KDM2A: variants seen among roughly 807,000 people sequenced by gnomAD.
KDM2A encodes the protein lysine demethylase 2A.
In KDM2A, 3 loss-of-function variants were observed where a neutral mutation model predicts 137.3. That is an observed-to-expected ratio of 0.02 (90% CI 0.01 to 0.06). The LOEUF (loss-of-function observed/expected upper bound fraction) is 0.06, where lower values mean the gene tolerates loss of function less well. KDM2A is among the 10% of genes least tolerant of loss of function. The pLI is 1.00. For synonymous variants in KDM2A, 512 were observed against 541.5 expected (o/e 0.95, Z 0.76); for missense variants, 738 against 1,510.6 (o/e 0.49, Z 8.48).
chr11:67,212,782 T>TAAA (rs35372040), intron 6 of KDM2A, among the ~76,000 whole-genome samples: 2 of 143,100 alleles, frequency 1.4e-5, no homozygotes, highest in African/African-American at 2.6e-5. Flanking sequence ...GAATGCGTGG[T>TAAA]AAAAAAAAAA....
In KDM2A at chr11:67,220,259, G is replaced by A. The variant is rs978337394; in HGVS notation, c.957+856G>A. Among the ~76,000 whole-genome samples, 5 of 152,102 alleles carry A rather than the reference G, an allele frequency of 3.3e-5. No homozygotes were observed. The South Asian group carries it at 6.2e-4, about 19-fold the overall frequency. On this transcript the variant is annotated intron_variant, in intron 10 of 20. Coordinates refer to ENST00000529006, the MANE Select transcript of KDM2A (RefSeq NM_012308.3). ...ACTCCTGGGCTCAAGTGATCTGCCC[G>A]CTTTGGCCTCCTAAAGTGCTGGGAT... is the stretch of plus-strand genomic sequence containing the variant.
At chr11:67,246,607 G>A (rs1488747571) in intron 15 of KDM2A, among the ~76,000 whole-genome samples, 2 of 151,900 alleles carry the variant, frequency 1.3e-5, no homozygotes, top group African/African-American at 4.8e-5. Flanking sequence ...AATAAATTCA[G>A]ATCTCAGCCT....
intron 12 of KDM2A, among the ~76,000 whole-genome samples, chr11:67,241,355 A>G (rs1490102531): frequency 6.6e-6 from 1 of 152,200 alleles, no homozygotes; most frequent in Admixed American, 6.5e-5. Flanking sequence ...CGCAGATGAA[A>G]TGAGTTTGGG....
At position 67,257,424 on chromosome 11, in the gene KDM2A, C is replaced by T. The variant is rs1024901519; in HGVS notation, c.*2369C>T. On this transcript the variant is annotated 3_prime_UTR_variant, in exon 21 of 21. Coordinates refer to ENST00000529006, the MANE Select transcript of KDM2A (RefSeq NM_012308.3). ...TGGTCCATGTGGAGGAAAGAAGTGT[C>T]TCTGTTGGGGGACAGAGGAACCTGG... The T allele has an allele frequency of 3.3e-5, 5 of 152,510 alleles. No individual in the cohort carries two copies. The highest frequency in any genetic ancestry group is 1.2e-4 in the African/African-American group (5 of 41,364). 9.4% of individuals were successfully genotyped at this position (152,510 alleles called of 1,614,324 possible). A position where few individuals can be genotyped will look rare whatever the true frequency, so the allele number is the denominator to read the frequency against.
At chr11:67,187,387 C>T (rs1054196404) in intron 5 of KDM2A, among the ~76,000 whole-genome samples, 3 of 151,988 alleles carry the variant, frequency 2.0e-5, no homozygotes, top group African/African-American at 7.3e-5. Context: ...CATGACACAA[C>T]TATATGCTGT....
At chr11:67,149,425 G>A (rs1454123740) in intron 2 of KDM2A, among the ~76,000 whole-genome samples, 4 of 151,916 alleles carry the variant, frequency 2.6e-5, no homozygotes, top group South Asian at 2.1e-4. Flanking sequence ...AGCTTAATAC[G>A]TTATTATATA....
At chr11:67,156,788 C>T (rs553152792) in intron 2 of KDM2A, among the ~76,000 whole-genome samples, 49 of 151,358 alleles carry the variant, frequency 3.2e-4, no homozygotes, top group Non-Finnish European at 5.6e-4. Context: ...ACTGAGGAGG[C>T]TGAGTCAGGA....
At chr11:67,249,201 G>A (rs1859333757) in intron 16 of KDM2A, among the ~76,000 whole-genome samples, 1 of 152,220 alleles carries the variant, frequency 6.6e-6, no homozygotes, top group African/African-American at 2.4e-5. Context: ...CTTAGTTCTT[G>A]CACTAGTGAC....
chr11:67,240,789 G>C (rs1859013538), intron 12 of KDM2A, among the ~76,000 whole-genome samples: 1 of 152,136 alleles, frequency 6.6e-6, no homozygotes, highest in Non-Finnish European at 1.5e-5. Flanking sequence ...GCTGGAGTCT[G>C]CCTTTTTTGA....
chr11:67,254,194 C>G lies in KDM2A; in HGVS notation c.3092-9C>G. 6.2e-7 allele frequency: 1 copy of G among 1,611,748 alleles called. No individual in the cohort carries two copies. Among genetic ancestry groups the G allele is most frequent in the Non-Finnish European group, 8.5e-7 (1 of 1,178,408 alleles). On this transcript the variant is annotated splice_polypyrimidine_tract_variant and intron_variant, in intron 19 of 20. Coordinates refer to ENST00000529006, the MANE Select transcript of KDM2A (RefSeq NM_012308.3). The surrounding 1 kb of genome is among the most constrained non-coding windows in gnomAD (Gnocchi z 4.7). ...AGTTTTGATCTAGGCTCTTCTCTTG[C>G]CTGTACAGGTCAGGACAATCGCAGC...
intron 2 of KDM2A, among the ~76,000 whole-genome samples, chr11:67,154,500 T>G (rs758126272): frequency 6.6e-6 from 1 of 152,220 alleles, no homozygotes; most frequent in African/African-American, 2.4e-5. Context: ...TGGCGTGATT[T>G]CAGCTCACTG....
chr11:67,225,689 G>C (rs1167446813), intron 10 of KDM2A, among the ~76,000 whole-genome samples: 1 of 152,162 alleles, frequency 6.6e-6, no homozygotes, highest in African/African-American at 2.4e-5. Context: ...AAAATCGCTT[G>C]AACTCAGAGG....
intron 2 of KDM2A, among the ~76,000 whole-genome samples, chr11:67,133,904 G>C (rs1855914076): frequency 1.3e-5 from 2 of 150,848 alleles, no homozygotes; most frequent in African/African-American, 4.9e-5. Flanking sequence ...ATGTTGGTCA[G>C]AGTGGTCTCA....
At chr11:67,152,966 C>T (rs1350332027) in intron 2 of KDM2A, among the ~76,000 whole-genome samples, 1 of 143,988 alleles carries the variant, frequency 6.9e-6, no homozygotes, top group East Asian at 2.0e-4. Context: ...TCAGGAATTC[C>T]TCTTATAGTG....
chr11:67,133,507 ATT>A (rs1855901910), intron 2 of KDM2A, among the ~76,000 whole-genome samples: 1 of 151,994 alleles, frequency 6.6e-6, no homozygotes, highest in Non-Finnish European at 1.5e-5. Context: ...GGTTCAGGTG[ATT>A]CTTCTGTCTC....
chr11:67,157,014 A>G (rs905610773), intron 2 of KDM2A, among the ~76,000 whole-genome samples: 2 of 152,072 alleles, frequency 1.3e-5, no homozygotes, highest in African/African-American at 2.4e-5. Flanking sequence ...GGCCCCTTTC[A>G]TTAAAAGCTG....
Position 67,243,107 on chromosome 11 carries a change from T to A in KDM2A, c.1563+15T>A. 1 of 1,583,194 alleles carries A rather than the reference T, an allele frequency of 6.3e-7. No individual in the cohort carries two copies. Among genetic ancestry groups the A allele is most frequent in the Non-Finnish European group, 8.7e-7 (1 of 1,152,020 alleles). On this transcript the variant is annotated intron_variant, in intron 13 of 20. Coordinates refer to ENST00000529006, the MANE Select transcript of KDM2A (RefSeq NM_012308.3). ...AAAGGGATAAGGTAAGAAACTATTTTCCTTGATCTTTAGGCTGCTTAAGCC... is the reference window on the plus strand; with the variant it reads ...AAAGGGATAAGGTAAGAAACTATTTACCTTGATCTTTAGGCTGCTTAAGCC...
intron 2 of KDM2A, among the ~76,000 whole-genome samples, chr11:67,153,424 G>C (rs1471442368): frequency 6.6e-6 from 1 of 152,032 alleles, no homozygotes; most frequent in Non-Finnish European, 1.5e-5. Context: ...AGGGAAATTT[G>C]GTTTAATGTG....
intron 6 of KDM2A, among the ~76,000 whole-genome samples, chr11:67,214,879 A>G (rs1858112342): frequency 1.3e-5 from 2 of 152,224 alleles, no homozygotes; most frequent in African/African-American, 4.8e-5. Flanking sequence ...CACATTGTCA[A>G]TGCAAGGCTA....
Sources: allele counts gnomAD v4.1 joint callset (sites outside exome capture counted in the v4.1 genomes callset), GRCh38; gene constraint gnomAD v4.1.1; non-coding constraint Gnocchi (gnomAD v3.1); transcripts MANE v1.5; gene names NCBI Gene and HGNC (gene_info 2026-07-23, HGNC 2026-07-21).